CSPP1: variants seen among roughly 807,000 people sequenced by gnomAD.
The protein encoded by CSPP1 is centrosome and spindle pole-associated protein 1.
A neutral mutation model predicts 164.4 loss-of-function variants in CSPP1; 126 were observed. The observed-to-expected ratio is 0.77, with a 90% CI of 0.66 to 0.89. The LOEUF is 0.89. Among genes scored for constraint, CSPP1 ranks in the 40% least tolerant of loss-of-function variants. The pLI, the probability that CSPP1 is intolerant of heterozygous loss-of-function variation, is 0.00. For synonymous variants in CSPP1, 472 were observed against 476.7 expected (o/e 0.99, Z 0.13); for missense variants, 1,395 against 1,449.8 (o/e 0.96, Z 0.61).
chr8:67,151,971 C>T (rs1477811138), intron 18 of CSPP1, among the ~76,000 whole-genome samples: 1 of 151,532 alleles, frequency 6.6e-6, no homozygotes, highest in Admixed American at 6.6e-5. Context: ...GCCTGTAGTC[C>T]CAGCTACTTG....
intron 15 of CSPP1, among the ~76,000 whole-genome samples, chr8:67,122,543 A>C (rs890274609): frequency 5.3e-5 from 8 of 152,208 alleles, no homozygotes; most frequent in African/African-American, 1.7e-4. Context: ...AATTTCCCAA[A>C]TATCCTTCTG....
At chr8:67,093,773 C>T (rs1812112733) in intron 6 of CSPP1, 132 bp downstream of exon 6, 2 of 497,552 alleles carry the variant, frequency 4.0e-6, no homozygotes, top group Non-Finnish European at 7.1e-6. Flanking sequence ...CCAAATTAAA[C>T]CAAACACAGG....
At chr8:67,086,985 T>G in intron 4 of CSPP1, 1 of 415,468 alleles carries the variant, frequency 2.4e-6, no homozygotes, top group Non-Finnish European at 4.6e-6. Flanking sequence ...TTTTGAGATG[T>G]TTGAATGGCA....
At chr8:67,102,099 GAA>G (rs1814245119) in intron 7 of CSPP1, among the ~76,000 whole-genome samples, 1 of 152,176 alleles carries the variant, frequency 6.6e-6, no homozygotes, top group Non-Finnish European at 1.5e-5. Context: ...TTTTAAAGAA[GAA>G]AACAGAAAAC....
At chr8:67,170,602 CTG>C (rs925719491) in intron 24 of CSPP1, among the ~76,000 whole-genome samples, 3 of 152,118 alleles carry the variant, frequency 2.0e-5, no homozygotes, top group African/African-American at 7.2e-5. Flanking sequence ...ACCTCAAAGA[CTG>C]TGATCTTCAT....
rs962309567 is a variant in CSPP1 at position 67,116,839 on chromosome 8, G to A, written c.1496+717G>A. ...TAGAGGTGTTTTTCTTAACTTTTTT[G>A]AACATTGATATTTTCTGGACTGTAT... On this transcript the variant is annotated intron_variant, in intron 13 of 30. Coordinates refer to ENST00000678616, the MANE Select transcript of CSPP1 (RefSeq NM_001382391.1). 3.3e-5 allele frequency among the ~76,000 whole-genome samples: 5 copies of A among 151,838 alleles called. No homozygotes were observed. The East Asian group carries it at 7.7e-4, about 23-fold the overall frequency.
intron 28 of CSPP1, 41 bp from the exon 29 acceptor site, chr8:67,190,609 A>G: frequency 6.9e-7 from 1 of 1,440,348 alleles, no homozygotes; most frequent in Non-Finnish European, 9.8e-7. Context: ...TAAGATTTGA[A>G]GCAGTATTAA....
chr8:67,086,777 T>C, intron 4 of CSPP1: 2 of 1,198,254 alleles, frequency 1.7e-6, no homozygotes, highest in Non-Finnish European at 2.3e-6. Context: ...GAGAATGAAC[T>C]TTGACTTAAT....
chr8:67,093,634 G>C lies in CSPP1; in HGVS notation c.476G>C (p.Ser159Thr), dbSNP rs1203907687. The change falls in exon 6 of 31, where the codon AGT (serine) becomes ACT (threonine). Residue 159 changes from serine to threonine, a missense_variant. Ser to Thr is a moderately conservative substitution (Grantham distance 58, BLOSUM62 1). Coordinates refer to ENST00000678616, the MANE Select transcript of CSPP1 (RefSeq NM_001382391.1). ...GAAAAGTTCAGGCAGGTGGAAAAGA[G>C]TACTGAGGTAGGTTTTGCTTTTGAA... ...SSEKFRQVEK[S>T]TEPKSQRNKK... 1 of 1,594,820 alleles carries C rather than the reference G, an allele frequency of 6.3e-7. No individual in the cohort carries two copies. The highest frequency in any genetic ancestry group is 1.3e-5 in the African/African-American group (1 of 74,506).
At position 67,086,047 on chromosome 8, in the gene CSPP1, T is replaced by C. The variant is rs1810322852; in HGVS notation, c.240T>C (p.Tyr80=). The change falls in exon 4 of 31, where the codon TAT becomes TAC. Residue 80 remains tyrosine, a synonymous_variant. Transcript: ENST00000678616. ...YGLSLPLGED[Y]ERKKHKLKEE... ...TAAGTTTACCACTTGGAGAAGACTA[T>C]GAACGGAAGAAACATAAATTAAAAG... 6.6e-7 allele frequency: 1 copy of C among 1,526,268 alleles called. No individual in the cohort carries two copies. The highest frequency in any genetic ancestry group is 9.1e-7 in the Non-Finnish European group (1 of 1,100,178). The allele number at this position is 1,526,268 out of a possible 1,614,324, so 94.5% of individuals were successfully genotyped here. A position where few individuals can be genotyped will look rare whatever the true frequency, so the allele number is the denominator to read the frequency against.
intron 29 of CSPP1, among the ~76,000 whole-genome samples, chr8:67,191,334 C>T (rs1836184419): frequency 1.3e-5 from 2 of 152,186 alleles, no homozygotes; most frequent in Admixed American, 1.3e-4. Context: ...CGTGAAGATG[C>T]AGTTATATGT....
At chr8:67,174,969 T>C in intron 25 of CSPP1, 1 of 241,596 alleles carries the variant, frequency 4.1e-6, no homozygotes, top group East Asian at 1.0e-4. Flanking sequence ...ACCATCTGCT[T>C]GGATATACCT....
intron 2 of CSPP1, among the ~76,000 whole-genome samples, 165 bp downstream of exon 2, chr8:67,074,516 GC>G (rs1275154913): frequency 1.3e-5 from 2 of 152,124 alleles, no homozygotes; most frequent in Non-Finnish European, 2.9e-5. Context: ...AATTTTGAAT[GC>G]AGTTTTTCTT....
intron 3 of CSPP1, among the ~76,000 whole-genome samples, chr8:67,083,135 TAACTC>T (rs1450444487): frequency 1.2e-4 from 18 of 152,188 alleles, no homozygotes; most frequent in African/African-American, 4.3e-4. Context: ...AAGTTATAAA[TAACTC>T]AGAAGGCATT....
At chr8:67,156,068 C>T (rs905967069) in intron 19 of CSPP1, among the ~76,000 whole-genome samples, 1 of 152,158 alleles carries the variant, frequency 6.6e-6, no homozygotes, top group African/African-American at 2.4e-5. Context: ...AGTACCTCCT[C>T]TAATGCTTAG....
At chr8:67,137,752 TATA>T (rs1335324811) in intron 17 of CSPP1, 149 bp downstream of exon 17, 3 of 421,500 alleles carry the variant, frequency 7.1e-6, no homozygotes, top group Non-Finnish European at 4.3e-6. Flanking sequence ...TAAGAGTAAA[TATA>T]ATAACAGAGG....
intron 15 of CSPP1, among the ~76,000 whole-genome samples, chr8:67,127,695 A>G (rs927332411): frequency 1.2e-4 from 18 of 152,216 alleles, no homozygotes; most frequent in African/African-American, 4.3e-4. Context: ...TCTATAAATC[A>G]GCTTTAGAAC....
intron 18 of CSPP1, among the ~76,000 whole-genome samples, chr8:67,150,438 T>G (rs1825497327): frequency 6.6e-6 from 1 of 152,050 alleles, no homozygotes; most frequent in South Asian, 2.1e-4. Flanking sequence ...GAGTCTCACT[T>G]TGTTATCCCA....
intron 24 of CSPP1, among the ~76,000 whole-genome samples, chr8:67,169,966 T>G (rs972738742): frequency 1.3e-5 from 2 of 152,062 alleles, no homozygotes; most frequent in African/African-American, 4.8e-5. Flanking sequence ...CAGGCTGGTC[T>G]CGAACTCCTG....
Sources: gnomAD v4.1 joint callset for allele counts (sites outside exome capture counted in the v4.1 genomes callset) on GRCh38, gnomAD v4.1.1 for gene constraint, MANE v1.5 for transcripts, NCBI Gene and HGNC (gene_info 2026-07-23, HGNC 2026-07-21) for gene names.